KIF26B: variants seen among roughly 807,000 people sequenced by gnomAD.
KIF26B encodes the protein kinesin-like protein KIF26B.
KIF26B carries 63 observed loss-of-function variants against 151.2 expected under a neutral mutation model. That is an observed-to-expected ratio of 0.42 (90% CI 0.34 to 0.51). The LOEUF (loss-of-function observed/expected upper bound fraction) is 0.51, where lower values mean the gene tolerates loss of function less well. KIF26B is among the 20% of genes least tolerant of loss of function. KIF26B has a pLI of 0.07. For missense variants in KIF26B, 2,813 were observed against 2,913.6 expected (o/e 0.97, Z 0.79); for synonymous variants, 1,357 against 1,262.1 (o/e 1.08, Z -1.59).
rs79687778 is a variant in KIF26B at position 245,486,686 on chromosome 1, T to G, written c.1167-54081T>G. 1.9e-3 allele frequency among the ~76,000 whole-genome samples: 284 copies of G among 152,320 alleles called. 2 individuals carry two copies. Among genetic ancestry groups the G allele is most frequent in the African/African-American group, 6.1e-3 (252 of 41,580 alleles). The stretch of plus-strand genomic sequence containing the variant: ...TTTTTTATTTTAATTAAATTTTTTT[T>G]TGGGACGAGGTCTCGCTCTGTCACC... On this transcript the variant is annotated intron_variant, in intron 4 of 14. Coordinates refer to ENST00000407071, the MANE Select transcript of KIF26B (RefSeq NM_018012.4).
chr1:245,696,141 T>C (rs892632387), intron 12 of KIF26B, among the ~76,000 whole-genome samples: 1 of 152,238 alleles, frequency 6.6e-6, no homozygotes, highest in Admixed American at 6.5e-5. Flanking sequence ...TTACCAGAGT[T>C]GGTCTCTGTT....
At chr1:245,587,998 A>G (rs2043245726) in intron 5 of KIF26B, among the ~76,000 whole-genome samples, 1 of 152,238 alleles carries the variant, frequency 6.6e-6, no homozygotes, top group South Asian at 2.1e-4. Flanking sequence ...TCTCAAATGC[A>G]GGAGTCTGCC....
intron 9 of KIF26B, among the ~76,000 whole-genome samples, chr1:245,613,182 C>T (rs764242171): frequency 1.3e-5 from 2 of 152,164 alleles, no homozygotes; most frequent in African/African-American, 4.8e-5. Flanking sequence ...GTCTCAAAGA[C>T]ACTGGATGCC....
At chr1:245,175,203 A>T (rs1473322529) in intron 2 of KIF26B, among the ~76,000 whole-genome samples, 1 of 152,134 alleles carries the variant, frequency 6.6e-6, no homozygotes, top group Non-Finnish European at 1.5e-5. Context: ...CAGCATAGTG[A>T]CCCAGAGGTG....
chr1:245,318,242 CA>C lies in KIF26B; in HGVS notation c.466-48589del. On this transcript the variant is annotated intron_variant, in intron 2 of 14. Coordinates refer to ENST00000407071, the MANE Select transcript of KIF26B (RefSeq NM_018012.4). This position sits in a 1 kb window ranked among gnomAD's most constrained non-coding sequence, Gnocchi z 4.0. ...ACAGACAGGGCACTGTAAGACAAAA[CA>C]AATCAATCAGTCAACGTCAACTCTT... 6.6e-6 allele frequency among the ~76,000 whole-genome samples: 1 copy of C among 152,206 alleles called. No individual in the cohort carries two copies. The highest frequency in any genetic ancestry group is 6.5e-5 in the Admixed American group (1 of 15,290).
chr1:245,616,641 GTTTTTACTGCA>G (rs937439904), intron 9 of KIF26B, among the ~76,000 whole-genome samples: 1 of 152,156 alleles, frequency 6.6e-6, no homozygotes, highest in African/African-American at 2.4e-5. Context: ...ATGAAACAAA[GTTTTTACTGCA>G]TTTTGACTGC....
intron 2 of KIF26B, among the ~76,000 whole-genome samples, chr1:245,339,585 G>T (rs1454911175): frequency 6.6e-6 from 1 of 152,162 alleles, no homozygotes; most frequent in Non-Finnish European, 1.5e-5. Flanking sequence ...TTGGATTTGG[G>T]ATGTGGAAGT....
At chr1:245,535,110 C>T (rs927292568) in intron 4 of KIF26B, among the ~76,000 whole-genome samples, 5 of 152,170 alleles carry the variant, frequency 3.3e-5, no homozygotes, top group Non-Finnish European at 7.3e-5. Context: ...TCTCTCATGA[C>T]TGCCTCTCCT....
chr1:245,204,638 T>C (rs10924119), intron 2 of KIF26B, among the ~76,000 whole-genome samples: 80,778 of 151,904 alleles, frequency 0.53, 23,055 homozygotes, highest in Non-Finnish European at 0.64. Flanking sequence ...CCTCCTAAAG[T>C]GCTGGGATTA....
At position 245,540,522 on chromosome 1, in the gene KIF26B, A is replaced by C. The variant is rs540684774; in HGVS notation, c.1167-245A>C. On this transcript the variant is annotated intron_variant, in intron 4 of 14. Coordinates refer to ENST00000407071, the MANE Select transcript of KIF26B (RefSeq NM_018012.4). This position sits in a 1 kb window ranked among gnomAD's most constrained non-coding sequence, Gnocchi z 4.6. ...GGTGGATAACACATCATTCTTTGTA[A>C]ATCGTGATTGCAGAATCCTGCTATT... is the stretch of plus-strand genomic sequence containing the variant. 3.1e-5 allele frequency: 21 copies of C among 685,970 alleles called. No homozygotes were observed. The Admixed American group carries it at 4.2e-4, about 14-fold the overall frequency. 42.5% of individuals were successfully genotyped at this position (685,970 alleles called of 1,614,324 possible). A position where few individuals can be genotyped will look rare whatever the true frequency, so the allele number is the denominator to read the frequency against.
chr1:245,190,437 G>A (rs1365492351), intron 2 of KIF26B, among the ~76,000 whole-genome samples: 1 of 152,026 alleles, frequency 6.6e-6, no homozygotes, highest in African/African-American at 2.4e-5. Flanking sequence ...GAGGGTACAG[G>A]GCAGCAGCCT....
At chr1:245,430,926 A>C (rs1279416919) in intron 4 of KIF26B, among the ~76,000 whole-genome samples, 1 of 152,184 alleles carries the variant, frequency 6.6e-6, no homozygotes. Context: ...ATAAGCTCCA[A>C]ATATAAGGTG....
At chr1:245,477,812 C>T (rs1051981281) in intron 4 of KIF26B, among the ~76,000 whole-genome samples, 3 of 151,704 alleles carry the variant, frequency 2.0e-5, no homozygotes, top group African/African-American at 7.2e-5. Context: ...GTCTATAGGG[C>T]CTAGGAGGCC....
chr1:245,618,145 G>A (rs746335141), intron 9 of KIF26B, among the ~76,000 whole-genome samples: 2 of 152,148 alleles, frequency 1.3e-5, no homozygotes, highest in South Asian at 2.1e-4. Flanking sequence ...CTCTCCGATC[G>A]CCTCCTCAAC....
chr1:245,343,790 A>T (rs574971330), intron 2 of KIF26B, among the ~76,000 whole-genome samples: 2 of 152,318 alleles, frequency 1.3e-5, no homozygotes, highest in Admixed American at 1.3e-4. Context: ...TGTAAAGGAG[A>T]AGAATTGGCA....
At chr1:245,364,789 T>C (rs1441609092) in intron 2 of KIF26B, among the ~76,000 whole-genome samples, 1 of 152,160 alleles carries the variant, frequency 6.6e-6, no homozygotes, top group Non-Finnish European at 1.5e-5. Context: ...AGTAAAAATA[T>C]TCTAAATAAG....
chr1:245,325,094 CAAAAAAAA>C (rs57433161), intron 2 of KIF26B, among the ~76,000 whole-genome samples: 123 of 96,598 alleles, frequency 1.3e-3, no homozygotes, highest in Middle Eastern at 5.2e-3. Flanking sequence ...GACCTTGTCT[CAAAAAAAA>C]AAAAAAAAAG....
At chr1:245,513,795 G>A (rs1660888351) in intron 4 of KIF26B, among the ~76,000 whole-genome samples, 1 of 152,206 alleles carries the variant, frequency 6.6e-6, no homozygotes, top group South Asian at 2.1e-4. Context: ...TTTCTTACTA[G>A]ACAGGTTGCC....
intron 2 of KIF26B, among the ~76,000 whole-genome samples, chr1:245,182,500 A>G (rs1668923976): frequency 6.6e-6 from 1 of 152,044 alleles, no homozygotes; most frequent in Admixed American, 6.5e-5. Flanking sequence ...GGCTATTTCT[A>G]GTTTTTGGCT....
Sources: allele counts gnomAD v4.1 joint callset (sites outside exome capture counted in the v4.1 genomes callset), GRCh38; gene constraint gnomAD v4.1.1; non-coding constraint Gnocchi (gnomAD v3.1); transcripts MANE v1.5; gene names NCBI Gene and HGNC (gene_info 2026-07-23, HGNC 2026-07-21).